The following ENOX1 variants were observed in gnomAD, a reference collection of about 807,000 sequenced individuals.
The protein encoded by ENOX1 is candidate growth-related and time keeping constitutive hydroquinone (NADH) oxidase.
In ENOX1, 42 loss-of-function variants were observed where a neutral mutation model predicts 82.5. The ratio of observed to expected loss-of-function variants is 0.51; its 90% CI spans 0.40 to 0.66. The LOEUF (loss-of-function observed/expected upper bound fraction) is 0.66. Among genes scored for constraint, ENOX1 ranks in the 30% least tolerant of loss-of-function variants. The pLI is 0.00. For synonymous variants in ENOX1, 271 were observed against 282.2 expected (o/e 0.96, Z 0.40); for missense variants, 608 against 811.6 (o/e 0.75, Z 3.05).
chr13:43,568,961 G>A (rs1457159268), intron 2 of ENOX1, among the ~76,000 whole-genome samples: 1 of 152,024 alleles, frequency 6.6e-6, no homozygotes, highest in Non-Finnish European at 1.5e-5. Context: ...ACGGGGATAG[G>A]GTCAGATCCC....
chr13:43,759,242 G>A (rs539923193), intron 1 of ENOX1, among the ~76,000 whole-genome samples: 18 of 151,770 alleles, frequency 1.2e-4, no homozygotes, highest in African/African-American at 3.1e-4. Context: ...GATTACAGGC[G>A]CCTGCCACCA....
chr13:43,470,329 T>TATATATAC (rs1408710966), intron 3 of ENOX1, among the ~76,000 whole-genome samples: 1 of 61,132 alleles, frequency 1.6e-5, no homozygotes, highest in African/African-American at 6.5e-5. Context: ...CATATATATA[T>TATATATAC]GTATATATAT....
At chr13:43,665,673 G>A (rs986506717) in intron 2 of ENOX1, among the ~76,000 whole-genome samples, 5 of 151,614 alleles carry the variant, frequency 3.3e-5, no homozygotes, top group Admixed American at 6.6e-5. Context: ...CAGCAGTACC[G>A]GCTCACACAA....
intron 2 of ENOX1, among the ~76,000 whole-genome samples, chr13:43,541,179 T>TTTTTTTTTTTTTTTTTTTTG (rs2078703825): frequency 8.0e-5 from 3 of 37,276 alleles, no homozygotes; most frequent in African/African-American, 3.1e-4. Flanking sequence ...CTCTGTTTTT[T>TTTTTTTTTTTTTTTTTTTTG]TTTTTTTTTT....
chr13:43,349,812 T>C (rs2153550423), intron 8 of ENOX1, among the ~76,000 whole-genome samples: 1 of 152,338 alleles, frequency 6.6e-6, no homozygotes, highest in South Asian at 2.1e-4. Context: ...GCAGCTGAGA[T>C]ACTAGAGACT....
intron 1 of ENOX1, among the ~76,000 whole-genome samples, chr13:43,718,239 C>T (rs56080644): frequency 0.14 from 21,008 of 152,074 alleles, 2,913 homozygotes; most frequent in African/African-American, 0.35. Context: ...GCAATATAGA[C>T]TGAGCTGAAG....
chr13:43,654,290 A>T (rs779938184), intron 2 of ENOX1, among the ~76,000 whole-genome samples: 8 of 152,160 alleles, frequency 5.3e-5, no homozygotes, highest in Non-Finnish European at 8.8e-5. Context: ...AACTTGCCCT[A>T]CGTATTTCAT....
At chr13:43,663,857 C>T (rs1328045714) in intron 2 of ENOX1, among the ~76,000 whole-genome samples, 2 of 152,060 alleles carry the variant, frequency 1.3e-5, no homozygotes, top group African/African-American at 4.8e-5. Flanking sequence ...AAGAGAATTC[C>T]AAGCTTCTGA....
At position 43,556,336 on chromosome 13, in the gene ENOX1, T is replaced by C. The variant is rs141831756; in HGVS notation, c.-218-72184A>G. Among the ~76,000 whole-genome samples the C allele has an allele frequency of 8.5e-5, 13 of 152,304 alleles. No homozygotes were observed. In the East Asian group the frequency reaches 2.5e-3, roughly 29 times the overall value. ...AGATTCATATTATAGAACATTAGGC[T>C]TTCCCTTAAGGATACGTATTTCCTC... On this transcript the variant is annotated intron_variant, in intron 2 of 16. Transcript: ENST00000690772.
At chr13:43,627,494 G>A (rs2083017439) in intron 2 of ENOX1, among the ~76,000 whole-genome samples, 1 of 151,918 alleles carries the variant, frequency 6.6e-6, no homozygotes, top group Non-Finnish European at 1.5e-5. Context: ...TTATCAGTTT[G>A]AGTGAACTAT....
chr13:43,484,558 G>C (rs1174673512), intron 2 of ENOX1, among the ~76,000 whole-genome samples: 1 of 152,118 alleles, frequency 6.6e-6, no homozygotes, highest in Non-Finnish European at 1.5e-5. Flanking sequence ...CCATTTTACA[G>C]ATGAGAAAAA....
At chr13:43,301,067 C>A (rs1053580524) in intron 11 of ENOX1, among the ~76,000 whole-genome samples, 7 of 152,192 alleles carry the variant, frequency 4.6e-5, no homozygotes, top group Admixed American at 2.0e-4. Flanking sequence ...AGGGCAAAAT[C>A]ACAGAAAATG....
At chr13:43,397,671 C>G (rs1453468016) in intron 5 of ENOX1, among the ~76,000 whole-genome samples, 1 of 152,086 alleles carries the variant, frequency 6.6e-6, no homozygotes, top group East Asian at 1.9e-4. Context: ...GCCTCAAGGT[C>G]AAAATTATAT....
At chr13:43,357,069 T>C (rs950953154) in intron 7 of ENOX1, among the ~76,000 whole-genome samples, 3 of 152,140 alleles carry the variant, frequency 2.0e-5, no homozygotes, top group East Asian at 1.9e-4. Context: ...TAACTTCAAA[T>C]GAAGAAGAGT....
chr13:43,415,157 TA>T (rs2054367793), intron 3 of ENOX1, among the ~76,000 whole-genome samples: 1 of 148,980 alleles, frequency 6.7e-6, no homozygotes, highest in Admixed American at 6.7e-5. Context: ...ATGTGGTGTA[TA>T]AACCTAGATT....
intron 2 of ENOX1, among the ~76,000 whole-genome samples, chr13:43,596,057 T>C (rs115503962): frequency 0.034 from 5,123 of 152,306 alleles, 272 homozygotes; most frequent in African/African-American, 0.12. Flanking sequence ...AACACAGATG[T>C]TATACCAAAT....
At chr13:43,568,316 CAG>C (rs895634548) in intron 2 of ENOX1, among the ~76,000 whole-genome samples, 28 of 152,302 alleles carry the variant, frequency 1.8e-4, no homozygotes, top group African/African-American at 6.7e-4. Flanking sequence ...ACATTGCCCA[CAG>C]AGAGTGGCAC....
intron 2 of ENOX1, among the ~76,000 whole-genome samples, chr13:43,624,688 T>C (rs181411320): frequency 1.3e-5 from 2 of 151,118 alleles, no homozygotes; most frequent in Non-Finnish European, 2.9e-5. Context: ...CTGTCAAAAA[T>C]CATGCAAATA....
intron 2 of ENOX1, among the ~76,000 whole-genome samples, chr13:43,581,960 C>T (rs11619015): frequency 1.2e-4 from 19 of 152,268 alleles, no homozygotes; most frequent in Admixed American, 3.9e-4. Flanking sequence ...GTTCTACATG[C>T]ATGTATATAT....
Sources: allele counts gnomAD v4.1 joint callset (sites outside exome capture counted in the v4.1 genomes callset), GRCh38; gene constraint gnomAD v4.1.1; transcripts MANE v1.5; gene names NCBI Gene and HGNC (gene_info 2026-07-23, HGNC 2026-07-21).